Variants in LPAR1 observed in about 807,000 individuals in gnomAD.
LPAR1 encodes the protein lysophosphatidic acid receptor 1.
LPAR1 carries 5 observed loss-of-function variants against 23.8 expected under a neutral mutation model. That is an observed-to-expected ratio of 0.21 (90% CI 0.11 to 0.44). The LOEUF is 0.44. Ranked by LOEUF, LPAR1 falls within the 20% of genes least tolerant of loss-of-function variation. The pLI is 0.99. For missense variants in LPAR1, 311 were observed against 482.8 expected, an observed-to-expected ratio of 0.64 and a Z score of 3.33; for synonymous variants, 160 against 164.7, an observed-to-expected ratio of 0.97 and a Z score of 0.22.
chr9:110,973,438 G>A (rs2138364260), intron 3 of LPAR1, 43 bp downstream of exon 3: 2 of 152,258 alleles, frequency 1.3e-5, no homozygotes, highest in South Asian at 4.1e-4. Flanking sequence ...ATCTCCTCAA[G>A]GAACTTAGTT....
At chr9:111,021,869 G>A (rs1307424749) in intron 2 of LPAR1, among the ~76,000 whole-genome samples, 1 of 146,982 alleles carries the variant, frequency 6.8e-6, no homozygotes, top group Non-Finnish European at 1.5e-5. Flanking sequence ...GCTTAGGCAG[G>A]AGAATCGCTT....
intron 2 of LPAR1, among the ~76,000 whole-genome samples, chr9:111,013,553 T>C (rs12551422): frequency 4.6e-4 from 70 of 152,282 alleles, no homozygotes; most frequent in Admixed American, 4.4e-3. Flanking sequence ...CTATGAAACA[T>C]GCGTTAATGG....
intron 5 of LPAR1, among the ~76,000 whole-genome samples, chr9:110,937,737 C>T (rs1300763964): frequency 1.3e-5 from 2 of 152,314 alleles, no homozygotes; most frequent in African/African-American, 2.4e-5. Flanking sequence ...TTTAATATAA[C>T]TTGACTCATA....
chr9:111,001,382 T>C (rs951095463), intron 2 of LPAR1, among the ~76,000 whole-genome samples: 1 of 152,120 alleles, frequency 6.6e-6, no homozygotes, highest in Non-Finnish European at 1.5e-5. Context: ...GTAAGACATA[T>C]TAAAAGCCAT....
chr9:110,908,160 T>C (rs1454173854), intron 5 of LPAR1, among the ~76,000 whole-genome samples: 1 of 151,798 alleles, frequency 6.6e-6, no homozygotes, highest in Non-Finnish European at 1.5e-5. Flanking sequence ...CATTTTTCTA[T>C]TTAAACTAGG....
At chr9:110,884,004 T>C (rs2081624881) in intron 5 of LPAR1, among the ~76,000 whole-genome samples, 1 of 151,922 alleles carries the variant, frequency 6.6e-6, no homozygotes, top group South Asian at 2.1e-4. Flanking sequence ...TCTAGAAAGT[T>C]TGCATAAGCT....
intron 2 of LPAR1, among the ~76,000 whole-genome samples, chr9:110,992,482 T>C (rs1337382864): frequency 1.3e-5 from 2 of 152,208 alleles, no homozygotes; most frequent in East Asian, 1.9e-4. Flanking sequence ...ATTTAACTCC[T>C]AGGTATTTAC....
At chr9:110,883,811 C>G (rs1423172673) in intron 5 of LPAR1, among the ~76,000 whole-genome samples, 1 of 152,202 alleles carries the variant, frequency 6.6e-6, no homozygotes, top group Non-Finnish European at 1.5e-5. Flanking sequence ...CTGCAGCCCG[C>G]TGACTTACTA....
intron 5 of LPAR1, among the ~76,000 whole-genome samples, chr9:110,924,899 C>G (rs982878599): frequency 6.6e-5 from 10 of 152,084 alleles, no homozygotes; most frequent in African/African-American, 2.4e-4. Context: ...CTTTTGTCAC[C>G]TTTTGCCTTT....
At chr9:110,885,043 G>C (rs1212766797) in intron 5 of LPAR1, among the ~76,000 whole-genome samples, 7 of 152,070 alleles carry the variant, frequency 4.6e-5, no homozygotes, top group African/African-American at 1.4e-4. Flanking sequence ...TATTAGTAAT[G>C]GATAAAGGAG....
At chr9:111,030,265 G>A (rs2097772636) in intron 2 of LPAR1, among the ~76,000 whole-genome samples, 1 of 152,088 alleles carries the variant, frequency 6.6e-6, no homozygotes. Flanking sequence ...GTTCTCTGTG[G>A]AACTACAATA....
At chr9:111,015,308 T>C (rs2097421091) in intron 2 of LPAR1, among the ~76,000 whole-genome samples, 1 of 152,166 alleles carries the variant, frequency 6.6e-6, no homozygotes, top group African/African-American at 2.4e-5. Context: ...ATCCATTCAC[T>C]ATCACTCCTC....
intron 2 of LPAR1, chr9:110,999,609 T>C: frequency 2.8e-6 from 1 of 358,746 alleles, no homozygotes; most frequent in South Asian, 2.1e-5. Context: ...ACAACAAAGT[T>C]GGGCTCTGAT....
At chr9:110,956,168 A>G (rs745399078) in intron 4 of LPAR1, among the ~76,000 whole-genome samples, 4 of 150,694 alleles carry the variant, frequency 2.7e-5, no homozygotes, top group Admixed American at 6.6e-5. Flanking sequence ...GTTCTCACTC[A>G]TAAGTGGGAG....
chr9:111,022,369 T>G (rs971265154), intron 2 of LPAR1, among the ~76,000 whole-genome samples: 1 of 152,180 alleles, frequency 6.6e-6, no homozygotes, highest in Non-Finnish European at 1.5e-5. Context: ...AACTGGCAAT[T>G]GAATCATGGT....
At chr9:110,957,505 T>G (rs569541343) in intron 4 of LPAR1, among the ~76,000 whole-genome samples, 59 of 152,130 alleles carry the variant, frequency 3.9e-4, no homozygotes, top group African/African-American at 1.3e-3. Flanking sequence ...ACCATCTCAA[T>G]AGATGCAAAA....
intron 4 of LPAR1, among the ~76,000 whole-genome samples, chr9:110,956,268 T>G (rs2095745911): frequency 6.6e-6 from 1 of 151,716 alleles, no homozygotes; most frequent in African/African-American, 2.4e-5. Context: ...GGGATAGCAT[T>G]AGGAGAAATA....
intron 5 of LPAR1, among the ~76,000 whole-genome samples, chr9:110,929,698 A>ATGTG (rs71371696): frequency 0.018 from 2,657 of 146,314 alleles, 44 homozygotes; most frequent in African/African-American, 0.047. Flanking sequence ...CCAGCCAATA[A>ATGTG]TGTGTGTGTG....
In LPAR1 at chr9:110,904,367, T is replaced by C. The variant is rs993997085; in HGVS notation, c.794-28645A>G. ...AGTGGGAAAGGTAAAAGCATTTAAA[T>C]GGAAATAAGGCCCCCATGTGTCACT... On this transcript the variant is annotated intron_variant, in intron 5 of 5. Coordinates refer to ENST00000683809, the MANE Select transcript of LPAR1 (RefSeq NM_001351411.2). 5.3e-5 allele frequency among the ~76,000 whole-genome samples: 8 copies of C among 152,134 alleles called. No homozygotes were observed. In the East Asian group the frequency reaches 7.7e-4, roughly 15 times the overall value.
Sources: allele counts gnomAD v4.1 joint callset (sites outside exome capture counted in the v4.1 genomes callset), GRCh38; gene constraint gnomAD v4.1.1; transcripts MANE v1.5; gene names NCBI Gene and HGNC (gene_info 2026-07-23, HGNC 2026-07-21).